Variants in DTNB observed in about 807,000 individuals in gnomAD.
The protein encoded by DTNB is DTN-B.
In DTNB, 63 loss-of-function variants were observed where a neutral mutation model predicts 90.7. That is an observed-to-expected ratio of 0.69 (90% CI 0.57 to 0.86). DTNB has a LOEUF of 0.86. Ranked by LOEUF, DTNB falls within the 40% of genes least tolerant of loss-of-function variation. DTNB has a pLI of 0.00. For synonymous variants in DTNB, 277 were observed against 286.7 expected, an observed-to-expected ratio of 0.97 and a Z score of 0.34; for missense variants, 744 against 807.1, an observed-to-expected ratio of 0.92 and a Z score of 0.95.
chr2:25,588,509 G>T (rs1459473972), intron 6 of DTNB, among the ~76,000 whole-genome samples: 2 of 152,116 alleles, frequency 1.3e-5, no homozygotes, highest in East Asian at 3.8e-4. Context: ...GGGACTACAG[G>T]CGCACGCACC....
intron 3 of DTNB, among the ~76,000 whole-genome samples, chr2:25,635,197 C>G (rs1430998777): frequency 6.6e-6 from 1 of 151,984 alleles, no homozygotes; most frequent in African/African-American, 2.4e-5. Context: ...CTTTGGGAGG[C>G]CAAGACAGGT....
intron 4 of DTNB, among the ~76,000 whole-genome samples, chr2:25,616,493 T>C (rs1249822122): frequency 3.9e-5 from 6 of 152,114 alleles, no homozygotes; most frequent in Admixed American, 2.6e-4. Context: ...ATAACAGATA[T>C]AATTCTCAAT....
chr2:25,664,353 G>A (rs1259656966), intron 1 of DTNB, among the ~76,000 whole-genome samples: 1 of 152,134 alleles, frequency 6.6e-6, no homozygotes, highest in African/African-American at 2.4e-5. Flanking sequence ...TTCTTTGCAG[G>A]AATCTTTGTG....
chr2:25,638,926 C>A, intron 3 of DTNB, 88 bp downstream of exon 3: 1 of 1,268,080 alleles, frequency 7.9e-7, no homozygotes, highest in Non-Finnish European at 1.1e-6. Flanking sequence ...ATTCAATTAA[C>A]ATTACAATAC....
At chr2:25,459,890 T>C (rs1028223653) in intron 10 of DTNB, among the ~76,000 whole-genome samples, 2 of 152,144 alleles carry the variant, frequency 1.3e-5, no homozygotes, top group Admixed American at 1.3e-4. Flanking sequence ...GGAGGATCAC[T>C]TGAGCCCAGG....
chr2:25,528,548 G>A (rs1421153307), intron 9 of DTNB, among the ~76,000 whole-genome samples: 1 of 152,138 alleles, frequency 6.6e-6, no homozygotes, highest in African/African-American at 2.4e-5. Flanking sequence ...TGAGTATAAG[G>A]TACCAGAATT....
intron 4 of DTNB, among the ~76,000 whole-genome samples, chr2:25,617,340 A>G (rs538462113): frequency 2.0e-5 from 3 of 152,330 alleles, no homozygotes; most frequent in East Asian, 3.9e-4. Context: ...TACAGACAGG[A>G]GAGATTTGGC....
chr2:25,433,754 G>A (rs930241102), intron 13 of DTNB, among the ~76,000 whole-genome samples, 156 bp downstream of exon 13: 5 of 152,094 alleles, frequency 3.3e-5, no homozygotes, highest in Non-Finnish European at 5.9e-5. Context: ...ACAAATCAGC[G>A]TCCAGGGCAT....
intron 9 of DTNB, among the ~76,000 whole-genome samples, chr2:25,520,083 T>A (rs142159674): frequency 7.2e-5 from 11 of 151,918 alleles, no homozygotes; most frequent in South Asian, 6.2e-4. Context: ...AAAAAAAAAA[T>A]TGGCTTATTA....
intron 8 of DTNB, among the ~76,000 whole-genome samples, chr2:25,543,853 G>A (rs921578797): frequency 6.6e-6 from 1 of 152,086 alleles, no homozygotes; most frequent in Non-Finnish European, 1.5e-5. Flanking sequence ...AACATTTATT[G>A]AGAACTTACT....
At chr2:25,527,465 G>A (rs551705166) in intron 9 of DTNB, among the ~76,000 whole-genome samples, 1 of 152,134 alleles carries the variant, frequency 6.6e-6, no homozygotes, top group East Asian at 1.9e-4. Flanking sequence ...GGAGGTTGCA[G>A]TGAGCTGAGA....
At chr2:25,389,049 CGTTGTCCAG>C (rs2040362233) in intron 16 of DTNB, among the ~76,000 whole-genome samples, 1 of 152,104 alleles carries the variant, frequency 6.6e-6, no homozygotes, top group Non-Finnish European at 1.5e-5. Flanking sequence ...GGTTTCAACA[CGTTGTCCAG>C]GTTGGTCTTT....
At chr2:25,429,624 C>A (rs929332754) in intron 14 of DTNB, among the ~76,000 whole-genome samples, 1 of 152,206 alleles carries the variant, frequency 6.6e-6, no homozygotes, top group Non-Finnish European at 1.5e-5. Context: ...GCCATTCCTA[C>A]CATGATGCAA....
At chr2:25,541,046 A>G (rs901679474) in intron 8 of DTNB, among the ~76,000 whole-genome samples, 14 of 151,680 alleles carry the variant, frequency 9.2e-5, no homozygotes, top group African/African-American at 3.4e-4. Flanking sequence ...AAAAAAAAAA[A>G]GAAAACAAAA....
intron 9 of DTNB, among the ~76,000 whole-genome samples, chr2:25,518,132 C>T (rs747170198): frequency 1.3e-5 from 2 of 152,084 alleles, no homozygotes; most frequent in Non-Finnish European, 1.5e-5. Flanking sequence ...CACGATTACA[C>T]TTGCCATTAC....
chr2:25,502,815 C>T (rs1005271031), intron 9 of DTNB, among the ~76,000 whole-genome samples: 3 of 147,222 alleles, frequency 2.0e-5, no homozygotes, highest in African/African-American at 2.5e-5. Context: ...GAACCCAGGA[C>T]GCAGAGTTTG....
In DTNB at chr2:25,419,534, T is replaced by G; in HGVS notation, c.1556A>C (p.Glu519Ala). The G allele has an allele frequency of 1.9e-6, 3 of 1,556,424 alleles. No individual in the cohort carries two copies. Among genetic ancestry groups the G allele is most frequent in the Non-Finnish European group, 2.6e-6 (3 of 1,149,804 alleles). The change falls in exon 16 of 21, where the codon GAG (glutamate) becomes GCG (alanine). Residue 519 changes from glutamate (E) to alanine (A), a missense_variant and splice_region_variant. Transcript: ENST00000406818. ...ACTTACTGCCTGCTTTTGCTCTTCC[T>G]CCTGGAGTGTTGAAGATGAAAAAAA... is the stretch of plus-strand genomic sequence containing the variant. ...QLEELMKLLKEEEQKQAAQAT... is the reference protein window; with the variant it reads ...QLEELMKLLKAEEQKQAAQAT...
At chr2:25,539,590 T>C (rs1398666401) in intron 8 of DTNB, among the ~76,000 whole-genome samples, 73 of 152,090 alleles carry the variant, frequency 4.8e-4, no homozygotes, top group Non-Finnish European at 8.7e-4. Context: ...TTTTTTTTTT[T>C]TTTTTAACTC....
chr2:25,567,264 T>C (rs1433249650), intron 8 of DTNB, among the ~76,000 whole-genome samples: 1 of 152,178 alleles, frequency 6.6e-6, no homozygotes, highest in Non-Finnish European at 1.5e-5. Flanking sequence ...CACACCTTTT[T>C]CCCATGAATA....
Sources: gnomAD v4.1 joint callset for allele counts (sites outside exome capture counted in the v4.1 genomes callset) on GRCh38, gnomAD v4.1.1 for gene constraint, MANE v1.5 for transcripts, NCBI Gene and HGNC (gene_info 2026-07-23, HGNC 2026-07-21) for gene names.